The following TRDN variants were observed in gnomAD, a reference collection of about 807,000 sequenced individuals.
TRDN encodes the protein triadin, also known as triadin in skeletal muscle.
TRDN carries 161 observed loss-of-function variants against 149.7 expected under a neutral mutation model. The observed-to-expected ratio is 1.08, with a 90% CI of 0.95 to 1.23. The LOEUF (loss-of-function observed/expected upper bound fraction) is 1.23, where lower values mean the gene tolerates loss of function less well. Ranked by LOEUF, TRDN falls within the 50% of genes most tolerant of loss-of-function variation. TRDN has a pLI of 0.00. For missense variants in TRDN, 896 were observed against 823.5 expected, an observed-to-expected ratio of 1.09 and a Z score of -1.08; for synonymous variants, 294 against 250.5, an observed-to-expected ratio of 1.17 and a Z score of -1.64.
chr6:123,574,826 A>G (rs1782748647), intron 1 of TRDN, among the ~76,000 whole-genome samples: 1 of 145,418 alleles, frequency 6.9e-6, no homozygotes, highest in African/African-American at 2.5e-5. Context: ...AAAAGGCTAA[A>G]CATTTAAAAC....
chr6:123,271,472 T>C (rs1171916102), intron 29 of TRDN, among the ~76,000 whole-genome samples: 2 of 151,902 alleles, frequency 1.3e-5, no homozygotes, highest in African/African-American at 4.8e-5. Context: ...TGTATTTCAG[T>C]GTATTTATCT....
At chr6:123,458,438 A>G (rs1462846542) in intron 10 of TRDN, among the ~76,000 whole-genome samples, 1 of 152,146 alleles carries the variant, frequency 6.6e-6, no homozygotes, top group Non-Finnish European at 1.5e-5. Flanking sequence ...GAAGGCCTTA[A>G]AGAGAAAAGA....
chr6:123,420,970 G>C (rs955247709), intron 12 of TRDN, among the ~76,000 whole-genome samples: 2 of 152,160 alleles, frequency 1.3e-5, no homozygotes, highest in African/African-American at 4.8e-5. Context: ...TTTTTAAAAA[G>C]TCATCATGAC....
At chr6:123,509,165 T>G (rs1779057282) in intron 7 of TRDN, among the ~76,000 whole-genome samples, 1 of 151,860 alleles carries the variant, frequency 6.6e-6, no homozygotes, top group Non-Finnish European at 1.5e-5. Context: ...CATATATATG[T>G]ATGTTTGTGT....
intron 40 of TRDN, among the ~76,000 whole-genome samples, chr6:123,220,474 T>C (rs1389481979): frequency 2.0e-5 from 3 of 151,850 alleles, no homozygotes. Flanking sequence ...GATTGACCTA[T>C]AATTCTTTTT....
chr6:123,396,416 T>C (rs995560873), intron 12 of TRDN, among the ~76,000 whole-genome samples: 5 of 152,324 alleles, frequency 3.3e-5, no homozygotes, highest in African/African-American at 1.2e-4. Flanking sequence ...CATAGTTTTG[T>C]TTATAGCTGT....
At chr6:123,437,250 C>A (rs1357861001) in intron 12 of TRDN, 2 of 228,540 alleles carry the variant, frequency 8.8e-6, no homozygotes, top group Non-Finnish European at 1.8e-5. Flanking sequence ...GTGGTCCTCA[C>A]CTTGATTAAA....
At chr6:123,255,826 C>T (rs1423276600) in intron 36 of TRDN, 41 bp downstream of exon 36, 2 of 1,270,288 alleles carry the variant, frequency 1.6e-6, no homozygotes, top group African/African-American at 3.2e-5. Context: ...ATTTTAGCTT[C>T]AGGGCTTTGC....
intron 26 of TRDN, among the ~76,000 whole-genome samples, chr6:123,276,803 C>T (rs1385854440): frequency 6.6e-6 from 1 of 151,806 alleles, no homozygotes; most frequent in Non-Finnish European, 1.5e-5. Flanking sequence ...CCAGCCTGGA[C>T]AAAAAAGGGA....
At chr6:123,383,004 C>A (rs1781777428) in intron 14 of TRDN, among the ~76,000 whole-genome samples, 1 of 151,966 alleles carries the variant, frequency 6.6e-6, no homozygotes, top group African/African-American at 2.4e-5. Context: ...AAATTAGAAT[C>A]ATAATAATGA....
rs958850167 is a variant in TRDN, at chr6:123,567,020, T to C, written c.232+3903A>G. Among the ~76,000 whole-genome samples, 70 of 152,232 alleles carry C rather than the reference T, an allele frequency of 4.6e-4. 1 individual carries two copies. The highest frequency in any genetic ancestry group is 2.9e-5 in the Non-Finnish European group (2 of 68,042). On this transcript the variant is annotated intron_variant, in intron 2 of 40. Coordinates refer to ENST00000334268, the MANE Select transcript of TRDN (RefSeq NM_006073.4). ...AATAAGGCATACTTATAGTTCACAG[T>C]AGAGCTTCCATTGGAGAGCTGCAAT...
At chr6:123,356,388 G>C (rs1780673399) in intron 20 of TRDN, among the ~76,000 whole-genome samples, 1 of 150,012 alleles carries the variant, frequency 6.7e-6, no homozygotes, top group African/African-American at 2.4e-5. Flanking sequence ...TTAATTTTTT[G>C]AGCTTGCATT....
At chr6:123,495,401 C>T (rs1778405138) in intron 9 of TRDN, among the ~76,000 whole-genome samples, 2 of 151,842 alleles carry the variant, frequency 1.3e-5, no homozygotes, top group Admixed American at 1.3e-4. Context: ...GGCCTGTAAT[C>T]CCAGCTACTC....
At chr6:123,345,877 AC>A (rs1376038861) in intron 21 of TRDN, among the ~76,000 whole-genome samples, 1 of 152,032 alleles carries the variant, frequency 6.6e-6, no homozygotes, top group Non-Finnish European at 1.5e-5. Context: ...AGAGTAACTG[AC>A]TTTTGCATAT....
chr6:123,541,557 G>A (rs1302786184), intron 4 of TRDN, among the ~76,000 whole-genome samples: 1 of 151,992 alleles, frequency 6.6e-6, no homozygotes, highest in African/African-American at 2.4e-5. Context: ...CCCATCACAG[G>A]TCTGCTCCAT....
At chr6:123,291,247 G>T (rs766861690) in intron 24 of TRDN, among the ~76,000 whole-genome samples, 1 of 151,988 alleles carries the variant, frequency 6.6e-6, no homozygotes, top group South Asian at 2.1e-4. Context: ...TTGTCCTAGA[G>T]TAACATGACT....
At chr6:123,629,560 T>C (rs1389622459) in intron 1 of TRDN, among the ~76,000 whole-genome samples, 1 of 152,158 alleles carries the variant, frequency 6.6e-6, no homozygotes, top group Non-Finnish European at 1.5e-5. Context: ...AAATATCATG[T>C]CTTTAACTTG....
intron 40 of TRDN, among the ~76,000 whole-genome samples, chr6:123,219,963 T>G (rs542991320): frequency 6.6e-6 from 1 of 151,982 alleles, no homozygotes; most frequent in East Asian, 1.9e-4. Context: ...ACACATTTAT[T>G]TAATTGATGT....
Position 123,216,513 on chromosome 6 carries a change from T to C in TRDN, c.*2088A>G, listed in dbSNP as rs1774976208. Reference sequence around the variant, plus strand: ...ATTCTAATTACAATAAAATATATCGTTTTATCTTATCAAATAGTTTTTATA... The same window carrying C: ...ATTCTAATTACAATAAAATATATCGCTTTATCTTATCAAATAGTTTTTATA... On this transcript the variant is annotated 3_prime_UTR_variant, in exon 41 of 41. Coordinates refer to ENST00000334268, the MANE Select transcript of TRDN (RefSeq NM_006073.4). The C allele has an allele frequency of 6.6e-6, 1 of 151,956 alleles. No individual in the cohort carries two copies. Among genetic ancestry groups the C allele is most frequent in the Non-Finnish European group, 1.5e-5 (1 of 67,942 alleles). 9.4% of individuals were successfully genotyped at this position (151,956 alleles called of 1,614,324 possible).
Sources: allele counts gnomAD v4.1 joint callset (sites outside exome capture counted in the v4.1 genomes callset), GRCh38; gene constraint gnomAD v4.1.1; transcripts MANE v1.5; gene names NCBI Gene and HGNC (gene_info 2026-07-23, HGNC 2026-07-21).